The following ARHGAP25 variants were observed in gnomAD, a reference collection of about 807,000 sequenced individuals.
The protein encoded by ARHGAP25 is Rho GTPase activating protein 25, also known as rho GTPase-activating protein 25.
In ARHGAP25, 34 loss-of-function variants were observed where a neutral mutation model predicts 71.0. That is an observed-to-expected ratio of 0.48 (90% CI 0.36 to 0.64). The LOEUF is 0.64. Among genes scored for constraint, ARHGAP25 ranks in the 30% least tolerant of loss-of-function variants. The pLI is 0.00. For missense variants in ARHGAP25, 706 were observed against 805.1 expected, an observed-to-expected ratio of 0.88 and a Z score of 1.49; for synonymous variants, 282 against 296.5, an observed-to-expected ratio of 0.95 and a Z score of 0.50.
At chr2:68,816,894 T>C (rs1681270678) in intron 7 of ARHGAP25, 1 of 152,714 alleles carries the variant, frequency 6.5e-6, no homozygotes, top group African/African-American at 2.4e-5. Flanking sequence ...ATTATAAAAG[T>C]CATGCTTGCT....
chr2:68,794,887 T>G (rs1679428120), intron 4 of ARHGAP25, among the ~76,000 whole-genome samples: 1 of 152,188 alleles, frequency 6.6e-6, no homozygotes, highest in African/African-American at 2.4e-5. Context: ...AATTCAACTG[T>G]AAATCCATCT....
chr2:68,714,798 G>T (rs1674572127), intron 2 of ARHGAP25, among the ~76,000 whole-genome samples: 1 of 152,116 alleles, frequency 6.6e-6, no homozygotes, highest in African/African-American at 2.4e-5. Context: ...GAAATGCCTG[G>T]TTGGAGAAGG....
At chr2:68,757,474 C>A (rs534543811) in intron 1 of ARHGAP25, among the ~76,000 whole-genome samples, 2 of 152,236 alleles carry the variant, frequency 1.3e-5, no homozygotes, top group African/African-American at 4.8e-5. Context: ...TCGTCAGAAA[C>A]TTTGAAGGCC....
rs192893177 is a variant in ARHGAP25, at chr2:68,814,463, A to G, written c.807+1044A>G. Reference sequence around the variant, plus strand: ...GTTACATGTGGCAAGTAACTGCTATATTAGACACCACAAACTTAGATAATT... The same window carrying G: ...GTTACATGTGGCAAGTAACTGCTATGTTAGACACCACAAACTTAGATAATT... On this transcript the variant is annotated intron_variant, in intron 6 of 10. Coordinates refer to ENST00000409202, the MANE Select transcript of ARHGAP25 (RefSeq NM_001007231.3). 6.6e-5 allele frequency among the ~76,000 whole-genome samples: 10 copies of G among 152,336 alleles called. No homozygotes were observed. In the East Asian group the frequency reaches 1.7e-3, roughly 26 times the overall value.
chr2:68,770,228 G>A (rs1267574821), intron 1 of ARHGAP25, among the ~76,000 whole-genome samples: 1 of 152,182 alleles, frequency 6.6e-6, no homozygotes, highest in Non-Finnish European at 1.5e-5. Context: ...AGCATGATGA[G>A]CTTGACATTC....
chr2:68,716,155 C>T (rs1056204301), intron 2 of ARHGAP25, among the ~76,000 whole-genome samples: 3 of 152,104 alleles, frequency 2.0e-5, no homozygotes, highest in Non-Finnish European at 4.4e-5. Context: ...TTCCTGTGCC[C>T]GCCATTCTTC....
At chr2:68,779,133 A>T (rs957695734) in intron 2 of ARHGAP25, among the ~76,000 whole-genome samples, 2 of 152,198 alleles carry the variant, frequency 1.3e-5, no homozygotes, top group Non-Finnish European at 2.9e-5. Flanking sequence ...GCATCGCCAC[A>T]AGTGGTTGTC....
At chr2:68,728,182 CT>C (rs1454777653) in intron 2 of ARHGAP25, among the ~76,000 whole-genome samples, 1 of 152,164 alleles carries the variant, frequency 6.6e-6, no homozygotes, top group Non-Finnish European at 1.5e-5. Flanking sequence ...AGGAATTCTG[CT>C]TTGGAAAACC....
At chr2:68,786,131 A>C (rs1180698072) in intron 3 of ARHGAP25, among the ~76,000 whole-genome samples, 1 of 152,184 alleles carries the variant, frequency 6.6e-6, no homozygotes, top group African/African-American at 2.4e-5. Flanking sequence ...CCTAACCAGA[A>C]GAGTTAGTCC....
chr2:68,724,136 G>A (rs1385342132), intron 2 of ARHGAP25, among the ~76,000 whole-genome samples: 2 of 152,124 alleles, frequency 1.3e-5, no homozygotes, highest in Non-Finnish European at 2.9e-5. Context: ...CCATGCAGCT[G>A]AGAAGGACCG....
chr2:68,784,244 A>G (rs1678578387), intron 3 of ARHGAP25, among the ~76,000 whole-genome samples: 1 of 152,092 alleles, frequency 6.6e-6, no homozygotes, highest in African/African-American at 2.4e-5. Flanking sequence ...CTAAAGTAAT[A>G]ATAAGATAGG....
chr2:68,791,534 T>C (rs1017218527), intron 4 of ARHGAP25, among the ~76,000 whole-genome samples: 55 of 148,768 alleles, frequency 3.7e-4, no homozygotes, highest in African/African-American at 1.3e-3. Context: ...TGGAGCTCTT[T>C]ATGGTGCAAA....
intron 2 of ARHGAP25, among the ~76,000 whole-genome samples, chr2:68,725,150 A>G (rs1674853869): frequency 6.6e-6 from 1 of 152,104 alleles, no homozygotes; most frequent in Non-Finnish European, 1.5e-5. Context: ...TGCTCCCTGC[A>G]TCACCTGCAC....
intron 9 of ARHGAP25, among the ~76,000 whole-genome samples, chr2:68,821,751 G>C (rs1169066532): frequency 6.6e-6 from 1 of 152,092 alleles, no homozygotes; most frequent in Non-Finnish European, 1.5e-5. Flanking sequence ...CTATGTACAA[G>C]GACTAGTTTC....
Sources: gnomAD v4.1 joint callset for allele counts (sites outside exome capture counted in the v4.1 genomes callset) on GRCh38, gnomAD v4.1.1 for gene constraint, MANE v1.5 for transcripts, NCBI Gene and HGNC (gene_info 2026-07-23, HGNC 2026-07-21) for gene names.